The following CDAN1 variants were observed in gnomAD, a reference collection of about 807,000 sequenced individuals.
CDAN1 encodes codanin-1.
Under a neutral mutation model 139.8 loss-of-function variants are expected in CDAN1, and 107 were observed. The observed-to-expected ratio is 0.77, with a 90% CI of 0.65 to 0.90. The LOEUF (loss-of-function observed/expected upper bound fraction) is 0.90. CDAN1 is among the 40% of genes least tolerant of loss of function. CDAN1 has a pLI of 0.00. For synonymous variants in CDAN1, 776 were observed against 660.6 expected (o/e 1.17, Z -2.68); for missense variants, 1,667 against 1,575.7 (o/e 1.06, Z -0.98).
intron 17 of CDAN1, 64 bp downstream of exon 17, chr15:42,729,504 G>T: frequency 1.2e-6 from 2 of 1,608,122 alleles, no homozygotes; most frequent in South Asian, 2.2e-5. Context: ...TGGGCCAAGG[G>T]GGTGCCTTTT....
rs113245610 is a variant in CDAN1 at position 42,729,933 on chromosome 15, A to C, written c.2263-48T>G. The C allele has an allele frequency of 2.0e-3, 1,995 of 1,013,250 alleles. 25 individuals carry two copies. The African/African-American group carries it at 0.028, about 14-fold the overall frequency. The allele number at this position is 1,013,250 out of a possible 1,614,324, so 62.8% of individuals were successfully genotyped here. On this transcript the variant is annotated intron_variant, in intron 15 of 27. Coordinates refer to ENST00000356231, the MANE Select transcript of CDAN1 (RefSeq NM_138477.4). Reference sequence around the variant, plus strand: ...GGTCAACTTCAGAGACCCCCACCCAACCCACCCCACCTCCTGCACGGTCCC... The same window carrying C: ...GGTCAACTTCAGAGACCCCCACCCACCCCACCCCACCTCCTGCACGGTCCC...
intron 17 of CDAN1, 32 bp from the exon 18 acceptor site, chr15:42,729,394 A>C: frequency 6.2e-7 from 1 of 1,613,894 alleles, no homozygotes; most frequent in Non-Finnish European, 8.5e-7. Flanking sequence ...TCTCAGTTCC[A>C]GAACCCTCTC....
intron 27 of CDAN1, 149 bp downstream of exon 27, chr15:42,724,995 A>G: frequency 1.4e-6 from 1 of 732,638 alleles, no homozygotes; most frequent in Non-Finnish European, 2.5e-6. Context: ...CTCATATAAT[A>G]ACTACTCAAA....
Position 42,725,144 on chromosome 15 carries a change from C to A in CDAN1, c.3558G>T (p.Gly1186=). Residue 1186 remains glycine (G), a splice_region_variant and synonymous_variant, in exon 27 of 28, where the codon GGG becomes GGT. Transcript: ENST00000356231. ...LGSLHQAQWP[G]DFAEELATLS... is the part of the protein sequence containing the mutation. ...ACCTAAAAGACAGGAGACTCCTTAC[C>A]CCTGGCCACTGGGCCTGGTGGAGGC... 1.2e-6 allele frequency: 2 copies of A among 1,611,332 alleles called. No homozygotes were observed. The highest frequency in any genetic ancestry group is 1.7e-6 in the Non-Finnish European group (2 of 1,177,470).
intron 11 of CDAN1, 79 bp from the exon 12 acceptor site, chr15:42,731,410 G>C (rs1413405661): frequency 6.3e-7 from 1 of 1,593,170 alleles, no homozygotes; most frequent in Non-Finnish European, 8.6e-7. Flanking sequence ...GCACTCCAGA[G>C]GGAAGGGAGC....
intron 9 of CDAN1, among the ~76,000 whole-genome samples, 172 bp downstream of exon 9, chr15:42,732,925 C>T (rs956461468): frequency 5.3e-5 from 8 of 152,198 alleles, no homozygotes; most frequent in Admixed American, 2.6e-4. Context: ...AGACACATCC[C>T]TTTCGAATAG....
rs753673155 is a variant in CDAN1, at chr15:42,729,628, G to A, written c.2353-6C>T. On this transcript the variant is annotated splice_polypyrimidine_tract_variant and splice_region_variant and intron_variant, in intron 16 of 27. Transcript: ENST00000356231. ...TCCACCACAGGCGCATTGTCCTGGG[G>A]AGAAAAGGTTGGTGTCAGCAGACTG... The A allele has an allele frequency of 1.2e-6, 2 of 1,614,094 alleles. No homozygotes were observed. Among genetic ancestry groups the A allele is most frequent in the African/African-American group, 1.3e-5 (1 of 75,032 alleles).
intron 23 of CDAN1, 175 bp from the exon 24 acceptor site, chr15:42,726,592 G>A (rs1321942447): frequency 3.3e-6 from 2 of 609,686 alleles, no homozygotes; most frequent in African/African-American, 1.8e-5. Context: ...TACAGCCAGG[G>A]GAAGCAACCA....
chr15:42,736,254 C>T (rs1161690619), intron 2 of CDAN1, 48 bp downstream of exon 2: 5 of 1,610,270 alleles, frequency 3.1e-6, no homozygotes, highest in Middle Eastern at 3.3e-4. Flanking sequence ...TGACTGACTC[C>T]CCAGAGCCTT....
intron 9 of CDAN1, 71 bp downstream of exon 9, chr15:42,733,025 TC>T: frequency 3.0e-6 from 4 of 1,318,788 alleles, no homozygotes; most frequent in Non-Finnish European, 4.4e-6. Context: ...TCCCTCCTCC[TC>T]CCTCCTGCCA....
At position 42,727,691 on chromosome 15, in the gene CDAN1, T is replaced by C. The variant is rs754935942; in HGVS notation, c.3026A>G (p.Glu1009Gly). Residue 1009 changes from glutamate to glycine, a missense_variant, in exon 23 of 28, where the codon GAG becomes GGG. Physicochemically the swap from Glu to Gly is moderately conservative, Grantham distance 98. This residue lies in a region of CDAN1 where 936 missense variants were observed against 844.1 expected (regional missense o/e 1.11). Coordinates refer to ENST00000356231, the MANE Select transcript of CDAN1 (RefSeq NM_138477.4). ...AQGPEPAARG[E>G]RRGCSRACEH... is the part of the protein sequence containing the mutation. ...ACAGGCGCGGGAGCAGCCCCTCCGC[T>C]CCCCCCGGGCAGCAGGTTCAGGACC... The C allele has an allele frequency of 9.5e-6, 15 of 1,585,954 alleles. No homozygotes were observed. Among genetic ancestry groups the C allele is most frequent in the Non-Finnish European group, 1.3e-5 (15 of 1,162,496 alleles).
Position 42,725,468 on chromosome 15 carries a change from T to G in CDAN1, c.3450+21A>C, listed in dbSNP as rs781152169. 19 of 1,613,964 alleles carry G rather than the reference T, an allele frequency of 1.2e-5. No homozygotes were observed. In the South Asian group the frequency reaches 1.6e-4, roughly 14 times the overall value. The stretch of plus-strand genomic sequence containing the variant: ...TGTTCAGAGTGTGACTGCAGAGGGC[T>G]TCTTGTTCCGTCTGACTCACCTCCC... On this transcript the variant is annotated intron_variant, in intron 26 of 27. Transcript: ENST00000356231.
At chr15:42,732,446 G>C in intron 9 of CDAN1, 38 bp from the exon 10 acceptor site, 1 of 1,573,784 alleles carries the variant, frequency 6.4e-7, no homozygotes, top group Non-Finnish European at 8.7e-7. Context: ...GTGTGGAAAG[G>C]AGGGAGAGGG....
chr15:42,737,074 C>A lies in CDAN1; in HGVS notation c.29G>T (p.Arg10Leu). Residue 10 changes from arginine (R) to leucine (L), a missense_variant, in exon 1 of 28, where the codon CGA becomes CTA. Coordinates refer to ENST00000356231, the MANE Select transcript of CDAN1 (RefSeq NM_138477.4). MAAVLESLL[R>L]EEVSVAAVVR... ...GACGGCTGCGACCGACACCTCTTCT[C>A]GCAGCAGCGACTCCAAAACGGCCGC... 2.0e-6 allele frequency: 3 copies of A among 1,534,998 alleles called. No homozygotes were observed. Among genetic ancestry groups the A allele is most frequent in the East Asian group, 2.5e-5 (1 of 39,584 alleles).
At chr15:42,734,072 A>T (rs1454015799) in intron 7 of CDAN1, 25 bp from the exon 8 acceptor site, 2 of 1,591,318 alleles carry the variant, frequency 1.3e-6, no homozygotes, top group Admixed American at 3.3e-5. Flanking sequence ...GAACGTTAGG[A>T]ACTGCAGGGT....
chr15:42,724,972 A>AT, intron 27 of CDAN1, 172 bp downstream of exon 27: 1 of 697,106 alleles, frequency 1.4e-6, no homozygotes, highest in African/African-American at 1.8e-5. Flanking sequence ...CCGTCTTCCC[A>AT]CTAACACAGT....
Position 42,725,134 on chromosome 15 carries a change from G to C in CDAN1, c.3558+10C>G. The C allele has an allele frequency of 6.2e-7, 1 of 1,602,958 alleles. No individual in the cohort carries two copies. Among genetic ancestry groups the C allele is most frequent in the Non-Finnish European group, 8.5e-7 (1 of 1,169,872 alleles). On this transcript the variant is annotated intron_variant, in intron 27 of 27. Transcript: ENST00000356231. The stretch of plus-strand genomic sequence containing the variant: ...TTCTCTCTCCACCTAAAAGACAGGA[G>C]ACTCCTTACCCCTGGCCACTGGGCC...
Position 42,725,228 on chromosome 15 carries a change from T to C in CDAN1, c.3474A>G (p.Leu1158=), listed in dbSNP as rs16957091. The C allele has an allele frequency of 1.2e-6, 2 of 1,613,916 alleles. No individual in the cohort carries two copies. Among genetic ancestry groups the C allele is most frequent in the Non-Finnish European group, 1.7e-6 (2 of 1,179,912 alleles). ...TCAGACCCTTCTCCACCAGCTCCCG[T>C]AGCAAGAATAGCAGCAAGTCCCACT... ...PREWDLLLFL[L]RELVEKGLMG... is the part of the protein sequence containing the mutation. The change falls in exon 27 of 28, where the codon CTA becomes CTG. Residue 1158 remains leucine (L), a synonymous_variant. Transcript: ENST00000356231.
In CDAN1 at chr15:42,724,244, C is replaced by T; in HGVS notation, c.*247G>A. On this transcript the variant is annotated 3_prime_UTR_variant, in exon 28 of 28. Transcript: ENST00000356231. Reference sequence around the variant, plus strand: ...TTAGTATCCAAGAGATAAACAAACACCACCTCTTCTACTCCAGGACTGGCA... The same window carrying T: ...TTAGTATCCAAGAGATAAACAAACATCACCTCTTCTACTCCAGGACTGGCA... 1 of 512,296 alleles carries T rather than the reference C, an allele frequency of 2.0e-6. No homozygotes were observed. The highest frequency in any genetic ancestry group is 3.6e-6 in the Non-Finnish European group (1 of 280,250). The allele number at this position is 512,296 out of a possible 1,614,324, so 31.7% of individuals were successfully genotyped here.
Sources: allele counts gnomAD v4.1 joint callset (sites outside exome capture counted in the v4.1 genomes callset), GRCh38; gene constraint gnomAD v4.1.1; regional missense constraint gnomAD v4.1.1; transcripts MANE v1.5; gene names NCBI Gene and HGNC (gene_info 2026-07-23, HGNC 2026-07-21).